PIWIL2: variants seen among roughly 807,000 people sequenced by gnomAD.
PIWIL2 encodes piwi like RNA-mediated gene silencing 2, also known as piwi-like protein 2.
Under a neutral mutation model 116.5 loss-of-function variants are expected in PIWIL2, and 81 were observed. That is an observed-to-expected ratio of 0.70 (90% CI 0.58 to 0.84). PIWIL2 has a LOEUF of 0.84. PIWIL2 is among the 40% of genes least tolerant of loss of function. The probability of loss-of-function intolerance (pLI) is 0.00; values close to 1 mark genes in which losing one functional copy is unlikely to be tolerated. For synonymous variants in PIWIL2, 489 were observed against 429.5 expected (o/e 1.14, Z -1.71); for missense variants, 1,272 against 1,212.3 (o/e 1.05, Z -0.73).
At chr8:22,281,318 CTA>C in intron 3 of PIWIL2, 57 bp from the exon 4 acceptor site, 2 of 1,529,874 alleles carry the variant, frequency 1.3e-6, no homozygotes. Flanking sequence ...AAAAAAAAAA[CTA>C]TACTTTAAAA....
At chr8:22,279,687 T>G (rs1337862814) in intron 2 of PIWIL2, 103 bp downstream of exon 2, 1 of 1,088,842 alleles carries the variant, frequency 9.2e-7, no homozygotes, top group African/African-American at 1.5e-5. Context: ...GCACGGTGGC[T>G]CACGCCTGTA....
At chr8:22,290,460 G>GAGAC (rs1830733933) in intron 10 of PIWIL2, 114 bp downstream of exon 10, 2 of 630,258 alleles carry the variant, frequency 3.2e-6, no homozygotes, top group Non-Finnish European at 5.8e-6. Context: ...TTTTCCCCCA[G>GAGAC]AGACAGGGTC....
chr8:22,288,712 T>G (rs532301605), intron 8 of PIWIL2, 46 bp downstream of exon 8: 1 of 1,538,558 alleles, frequency 6.5e-7, no homozygotes, highest in East Asian at 2.3e-5. Flanking sequence ...TTCAGTCTTG[T>G]ATTTACAGTA....
chr8:22,320,205 C>T (rs1297770558), intron 20 of PIWIL2, among the ~76,000 whole-genome samples: 5 of 151,188 alleles, frequency 3.3e-5, no homozygotes, highest in Non-Finnish European at 5.9e-5. Context: ...TCATGATCCA[C>T]GCTTCTCAGC....
At chr8:22,290,800 T>G (rs1830743978) in intron 10 of PIWIL2, among the ~76,000 whole-genome samples, 1 of 151,924 alleles carries the variant, frequency 6.6e-6, no homozygotes, top group Admixed American at 6.6e-5. Context: ...ATATGTGCCC[T>G]CGTCTCTAGT....
At chr8:22,279,707 C>A (rs1389665047) in intron 2 of PIWIL2, 123 bp downstream of exon 2, 1 of 853,716 alleles carries the variant, frequency 1.2e-6, no homozygotes, top group Admixed American at 2.3e-5. Context: ...AATCCCAGCA[C>A]TTTGGGAGGC....
intron 9 of PIWIL2, 151 bp downstream of exon 9, chr8:22,290,078 G>T: frequency 2.7e-6 from 2 of 740,456 alleles, no homozygotes; most frequent in Non-Finnish European, 2.3e-6. Flanking sequence ...TGGTTTTTCA[G>T]TAAGTTTGCA....
intron 20 of PIWIL2, among the ~76,000 whole-genome samples, chr8:22,349,305 G>A (rs1354851628): frequency 4.0e-5 from 6 of 150,128 alleles, no homozygotes; most frequent in Non-Finnish European, 8.9e-5. Flanking sequence ...CACTGCACCC[G>A]GCCTTCTATT....
At chr8:22,346,666 C>G (rs1339220745) in intron 20 of PIWIL2, among the ~76,000 whole-genome samples, 1 of 151,968 alleles carries the variant, frequency 6.6e-6, no homozygotes, top group Non-Finnish European at 1.5e-5. Context: ...ATTGAAGGCC[C>G]CAAAGAGTTT....
intron 20 of PIWIL2, among the ~76,000 whole-genome samples, chr8:22,320,053 C>T (rs1831558733): frequency 6.6e-6 from 1 of 151,780 alleles, no homozygotes; most frequent in Non-Finnish European, 1.5e-5. Flanking sequence ...ACCTCTGCCT[C>T]CCAGGCTCAA....
At chr8:22,332,942 A>C (rs1368715393) in intron 20 of PIWIL2, among the ~76,000 whole-genome samples, 1 of 152,156 alleles carries the variant, frequency 6.6e-6, no homozygotes, top group Admixed American at 6.6e-5. Flanking sequence ...ATTTAAATCT[A>C]TTCCATCTAA....
intron 20 of PIWIL2, among the ~76,000 whole-genome samples, chr8:22,344,802 G>A (rs1832187973): frequency 6.6e-6 from 1 of 152,116 alleles, no homozygotes; most frequent in South Asian, 2.1e-4. Context: ...CTTGAGCCTG[G>A]GAGGTCAAGG....
At chr8:22,316,987 C>T (rs867186673) in intron 19 of PIWIL2, among the ~76,000 whole-genome samples, 1 of 151,986 alleles carries the variant, frequency 6.6e-6, no homozygotes, top group Non-Finnish European at 1.5e-5. Context: ...ACCATGTTGC[C>T]CAGGCTGGTC....
intron 20 of PIWIL2, among the ~76,000 whole-genome samples, chr8:22,323,143 C>CTTTTTT (rs138180864): frequency 1.9e-4 from 15 of 78,016 alleles, no homozygotes; most frequent in African/African-American, 4.4e-4. Context: ...TAGTCTTGAT[C>CTTTTTT]TTTTTTTTTT....
chr8:22,341,299 T>TAA (rs769390524), intron 20 of PIWIL2, among the ~76,000 whole-genome samples: 1 of 142,012 alleles, frequency 7.0e-6, no homozygotes, highest in African/African-American at 2.6e-5. Context: ...ATTCATGATT[T>TAA]AAAAAAAAAA....
chr8:22,301,565 A>G (rs1300542307), intron 10 of PIWIL2, among the ~76,000 whole-genome samples: 1 of 152,174 alleles, frequency 6.6e-6, no homozygotes, highest in Non-Finnish European at 1.5e-5. Flanking sequence ...AAGTGCTGGG[A>G]TTACAGGCAT....
At chr8:22,349,371 C>T (rs1163659057) in intron 20 of PIWIL2, among the ~76,000 whole-genome samples, 2 of 146,698 alleles carry the variant, frequency 1.4e-5, no homozygotes, top group African/African-American at 2.5e-5. Flanking sequence ...ATCTGTATAT[C>T]CTTGATCTAG....
chr8:22,300,401 A>G (rs1434718922), intron 10 of PIWIL2, among the ~76,000 whole-genome samples: 1 of 152,184 alleles, frequency 6.6e-6, no homozygotes, highest in Non-Finnish European at 1.5e-5. Flanking sequence ...ACCACAATTT[A>G]TTCACCCATT....
At chr8:22,330,826 A>G (rs1831844760) in intron 20 of PIWIL2, among the ~76,000 whole-genome samples, 1 of 152,090 alleles carries the variant, frequency 6.6e-6, no homozygotes, top group African/African-American at 2.4e-5. Flanking sequence ...TTCCCCATGC[A>G]TACGTGTCCT....
Sources: gnomAD v4.1 joint callset for allele counts (sites outside exome capture counted in the v4.1 genomes callset) on GRCh38, gnomAD v4.1.1 for gene constraint, MANE v1.5 for transcripts, NCBI Gene and HGNC (gene_info 2026-07-23, HGNC 2026-07-21) for gene names.